Variants in CDK5RAP1 observed in about 807,000 individuals in gnomAD.
CDK5RAP1 encodes mitochondrial tRNA methylthiotransferase CDK5RAP1.
Under a neutral mutation model 64.5 loss-of-function variants are expected in CDK5RAP1, and 62 were observed. That is an observed-to-expected ratio of 0.96 (90% CI 0.78 to 1.19). The LOEUF is 1.19. CDK5RAP1 is among the 50% of genes most tolerant of loss of function. CDK5RAP1 has a pLI of 0.00. For missense variants in CDK5RAP1, 657 were observed against 735.0 expected, an observed-to-expected ratio of 0.89 and a Z score of 1.23; for synonymous variants, 250 against 261.9, an observed-to-expected ratio of 0.95 and a Z score of 0.44.
intron 2 of CDK5RAP1, among the ~76,000 whole-genome samples, chr20:33,396,165 G>A (rs977840439): frequency 1.1e-4 from 17 of 152,154 alleles, no homozygotes; most frequent in African/African-American, 4.1e-4. Context: ...GGTACATAAA[G>A]TCACAAAATT....
At chr20:33,386,937 T>C (rs965517259) in intron 6 of CDK5RAP1, among the ~76,000 whole-genome samples, 16 of 151,798 alleles carry the variant, frequency 1.1e-4, no homozygotes, top group African/African-American at 3.9e-4. Context: ...CAAAAAGAGG[T>C]AGTAAGCTAT....
intron 12 of CDK5RAP1, 140 bp from the exon 13 acceptor site, chr20:33,360,631 CAG>C: frequency 6.9e-6 from 5 of 719,462 alleles, no homozygotes. Context: ...ACTGAAGACT[CAG>C]TGTTTGCTGC....
chr20:33,389,807 T>C (rs1988086958), intron 5 of CDK5RAP1, among the ~76,000 whole-genome samples: 1 of 152,214 alleles, frequency 6.6e-6, no homozygotes, highest in South Asian at 2.1e-4. Flanking sequence ...AGATTGTTGC[T>C]GTGTCTGTGT....
intron 4 of CDK5RAP1, 41 bp from the exon 5 acceptor site, chr20:33,392,283 C>T (rs746791581): frequency 1.6e-6 from 2 of 1,259,978 alleles, no homozygotes; most frequent in South Asian, 2.5e-5. Context: ...CAAAAATAAA[C>T]CACAGAGGTA....
intron 7 of CDK5RAP1, among the ~76,000 whole-genome samples, chr20:33,380,821 T>A (rs1238514690): frequency 6.6e-6 from 1 of 151,946 alleles, no homozygotes; most frequent in East Asian, 1.9e-4. Context: ...GCTAACATGG[T>A]GAAATCCCTT....
At chr20:33,386,560 A>G (rs1287609801) in intron 6 of CDK5RAP1, among the ~76,000 whole-genome samples, 1 of 152,150 alleles carries the variant, frequency 6.6e-6, no homozygotes, top group Non-Finnish European at 1.5e-5. Context: ...CGCCTTCCTG[A>G]TCCAACTGTT....
Position 33,366,843 on chromosome 20 carries a change from A to G in CDK5RAP1, c.1542+16T>C. The G allele has an allele frequency of 6.3e-7, 1 of 1,594,538 alleles. No homozygotes were observed. Among genetic ancestry groups the G allele is most frequent in the Non-Finnish European group, 8.5e-7 (1 of 1,172,672 alleles). On this transcript the variant is annotated intron_variant, in intron 12 of 13. Transcript: ENST00000346416. ...AAACATAAAAAACAACATAACACAC[A>G]CACATATGGCCTCACCCCTTCCACT...
At chr20:33,360,991 A>C (rs1164093568) in intron 12 of CDK5RAP1, among the ~76,000 whole-genome samples, 1 of 152,258 alleles carries the variant, frequency 6.6e-6, no homozygotes, top group East Asian at 1.9e-4. Context: ...ATTAACTTCT[A>C]GAGTCTACGG....
At chr20:33,363,601 A>T (rs1026532881) in intron 12 of CDK5RAP1, among the ~76,000 whole-genome samples, 23 of 151,792 alleles carry the variant, frequency 1.5e-4, no homozygotes, top group Middle Eastern at 3.4e-3. Flanking sequence ...TTTTTTTTTT[A>T]AAAAAAGAGA....
intron 8 of CDK5RAP1, among the ~76,000 whole-genome samples, chr20:33,379,094 C>T (rs1318857856): frequency 6.6e-6 from 1 of 152,002 alleles, no homozygotes; most frequent in Non-Finnish European, 1.5e-5. Flanking sequence ...GAACTACAGT[C>T]GTATGCCACC....
intron 5 of CDK5RAP1, among the ~76,000 whole-genome samples, 186 bp downstream of exon 5, chr20:33,391,956 G>A (rs922208933): frequency 2.0e-5 from 3 of 152,158 alleles, no homozygotes; most frequent in Non-Finnish European, 4.4e-5. Context: ...AAGGAACTAC[G>A]GAAAGCCCTT....
intron 10 of CDK5RAP1, among the ~76,000 whole-genome samples, chr20:33,371,958 A>C (rs1985089248): frequency 6.6e-6 from 1 of 152,172 alleles, no homozygotes; most frequent in African/African-American, 2.4e-5. Context: ...AGTTGCCATA[A>C]AGCTAGTTAG....
rs779786272 is a variant in CDK5RAP1, at chr20:33,373,977, C to T, written c.1205+138G>A. 3.5e-5 allele frequency: 24 copies of T among 691,908 alleles called. No individual in the cohort carries two copies. In the Middle Eastern group the frequency reaches 2.1e-3, roughly 61 times the overall value. 42.9% of individuals were successfully genotyped at this position (691,908 alleles called of 1,614,324 possible). A position where few individuals can be genotyped will look rare whatever the true frequency, so the allele number is the denominator to read the frequency against. ...AGAAGCAAACTCCAGTGCCCAGTGG[C>T]TTAGTCATACAATAAATATTTACTG... On this transcript the variant is annotated intron_variant, in intron 9 of 13. Coordinates refer to ENST00000346416, the MANE Select transcript of CDK5RAP1 (RefSeq NM_016408.4).
Position 33,379,595 on chromosome 20 carries a change from G to A in CDK5RAP1, c.973C>T (p.Arg325Cys), listed in dbSNP as rs765564595. 9.3e-6 allele frequency: 15 copies of A among 1,614,030 alleles called. 1 individual carries two copies. The highest frequency in any genetic ancestry group is 5.3e-5 in the African/African-American group (4 of 75,042). Reference protein sequence around the residue: ...FNSAVPTNLSRGFTTNYKTKQ... With the variant: ...FNSAVPTNLSCGFTTNYKTKQ... ...GTTTTATAGTTGGTGGTAAAGCCAC[G>A]ACTGAGATTGGTAGGCACTGCACTG... The change falls in exon 8 of 14, where the codon CGT (arginine) becomes TGT (cysteine). Residue 325 changes from arginine to cysteine, a missense_variant. Coordinates refer to ENST00000346416, the MANE Select transcript of CDK5RAP1 (RefSeq NM_016408.4).
rs191728090 is a variant in CDK5RAP1, at chr20:33,367,320, T to G, written c.1393-312A>C. On this transcript the variant is annotated intron_variant, in intron 11 of 13. Coordinates refer to ENST00000346416, the MANE Select transcript of CDK5RAP1 (RefSeq NM_016408.4). ...AAATGACTCACATATACTAGGTTAC[T>G]CAGCAGTACTATTTATGAAGACATA... is the stretch of plus-strand genomic sequence containing the variant. Among the ~76,000 whole-genome samples the G allele has an allele frequency of 2.1e-3, 325 of 152,358 alleles. 8 individuals are homozygous for G. The highest frequency in any genetic ancestry group is 0.021 in the Admixed American group (325 of 15,300).
At chr20:33,387,256 CAAAAAA>C in intron 6 of CDK5RAP1, 61 bp downstream of exon 6, 1 of 1,046,494 alleles carries the variant, frequency 9.6e-7, no homozygotes, top group East Asian at 2.6e-5. Context: ...GACCCTGTCT[CAAAAAA>C]AAAAAAAAAA....
intron 1 of CDK5RAP1, 143 bp downstream of exon 1, chr20:33,401,285 G>A (rs183892222): frequency 1.8e-6 from 1 of 569,176 alleles, no homozygotes; most frequent in Non-Finnish European, 2.2e-6. Context: ...AACCCCTACA[G>A]CCTGACGCCA....
At chr20:33,372,972 G>A in intron 9 of CDK5RAP1, 1 of 253,376 alleles carries the variant, frequency 3.9e-6, no homozygotes, top group Non-Finnish European at 7.5e-6. Flanking sequence ...GAGTGCAATG[G>A]CACAATCTCG....
chr20:33,401,120 ATTTTCCGCGAATTATTACC>A (rs1269519915), intron 1 of CDK5RAP1, among the ~76,000 whole-genome samples: 3 of 152,178 alleles, frequency 2.0e-5, no homozygotes, highest in African/African-American at 7.2e-5. Flanking sequence ...GGTGCAAAGC[ATTTTCCGCGAATTATTACC>A]TATAACCCTC....
Sources: gnomAD v4.1 joint callset for allele counts (sites outside exome capture counted in the v4.1 genomes callset) on GRCh38, gnomAD v4.1.1 for gene constraint, MANE v1.5 for transcripts, NCBI Gene and HGNC (gene_info 2026-07-23, HGNC 2026-07-21) for gene names.